The following PRR16 variants were observed in gnomAD, a reference collection of about 807,000 sequenced individuals.
PRR16 encodes the protein proline rich 16.
In PRR16, 6 loss-of-function variants were observed where a neutral mutation model predicts 18.2. That is an observed-to-expected ratio of 0.33 (90% CI 0.18 to 0.65). The LOEUF is 0.65. Ranked by LOEUF, PRR16 falls within the 30% of genes least tolerant of loss-of-function variation. The pLI is 0.74. For missense variants in PRR16, 412 were observed against 376.6 expected (o/e 1.09, Z -0.78); for synonymous variants, 151 against 147.8 (o/e 1.02, Z -0.16).
intron 1 of PRR16, among the ~76,000 whole-genome samples, chr5:120,594,585 C>G (rs887255760): frequency 3.3e-5 from 5 of 151,930 alleles, no homozygotes; most frequent in African/African-American, 1.2e-4. Flanking sequence ...AAGAAATTCT[C>G]CACAGTACTA....
chr5:120,663,094 G>A (rs1041525326), intron 1 of PRR16, among the ~76,000 whole-genome samples: 4 of 152,148 alleles, frequency 2.6e-5, no homozygotes, highest in African/African-American at 9.6e-5. Context: ...CCTATACACT[G>A]TCCATCTTTG....
chr5:120,499,588 A>T (rs887192007), intron 1 of PRR16, among the ~76,000 whole-genome samples: 14 of 152,050 alleles, frequency 9.2e-5, no homozygotes, highest in Admixed American at 9.2e-4. Flanking sequence ...TTCCACCACT[A>T]TAACTTACAT....
At chr5:120,571,049 G>T (rs1752889937) in intron 1 of PRR16, among the ~76,000 whole-genome samples, 1 of 152,120 alleles carries the variant, frequency 6.6e-6, no homozygotes, top group South Asian at 2.1e-4. Flanking sequence ...GGTCATTGGA[G>T]TCTTCTCTTA....
chr5:120,781,250 C>G, the PRR16 span: 7 of 151,756 alleles, frequency 4.6e-5, no homozygotes, highest in Non-Finnish European at 8.8e-5. Flanking sequence ...ACAAGACTAA[C>G]AAGACTAACG....
chr5:120,636,970 A>G (rs994355431), intron 1 of PRR16, among the ~76,000 whole-genome samples: 1 of 152,138 alleles, frequency 6.6e-6, no homozygotes, highest in Non-Finnish European at 1.5e-5. Context: ...AAAGTGGGCT[A>G]AGGACATGTA....
chr5:120,770,789 C>A, the PRR16 span, among the ~76,000 whole-genome samples: 1 of 152,008 alleles, frequency 6.6e-6, no homozygotes, highest in African/African-American at 2.4e-5. Context: ...GCTCTCCCTA[C>A]TTGCCTCTGC....
At chr5:120,630,038 T>TGATTTTCTTCTATCTGAG (rs1167701082) in intron 1 of PRR16, among the ~76,000 whole-genome samples, 13 of 152,112 alleles carry the variant, frequency 8.5e-5, no homozygotes, top group African/African-American at 2.7e-4. Flanking sequence ...CCGTGTCTGA[T>TGATTTTCTTCTATCTGAG]GATTTTCTTC....
At chr5:120,710,032 T>TTTTTAG in the PRR16 span, among the ~76,000 whole-genome samples, 1 of 152,166 alleles carries the variant, frequency 6.6e-6, no homozygotes, top group African/African-American at 2.4e-5. Flanking sequence ...CTATTTTTAG[T>TTTTTAG]TTTTTGAGGC....
the PRR16 span, among the ~76,000 whole-genome samples, chr5:120,754,879 A>G: frequency 1.3e-5 from 2 of 151,420 alleles, no homozygotes; most frequent in Admixed American, 6.6e-5. Flanking sequence ...ACCATGAGGT[A>G]TAAGGAGAGT....
intron 1 of PRR16, among the ~76,000 whole-genome samples, chr5:120,558,155 ACT>A (rs1190415270): frequency 6.6e-6 from 1 of 151,630 alleles, no homozygotes. Context: ...ATCCAATTAT[ACT>A]CTTTTAGTTC....
At chr5:120,595,210 A>G (rs185407935) in intron 1 of PRR16, among the ~76,000 whole-genome samples, 72 of 152,122 alleles carry the variant, frequency 4.7e-4, no homozygotes, top group African/African-American at 1.7e-3. Context: ...TCTAATATCC[A>G]AAATCTATAA....
intron 1 of PRR16, among the ~76,000 whole-genome samples, chr5:120,539,320 A>C (rs1751832072): frequency 6.6e-6 from 1 of 151,396 alleles, no homozygotes; most frequent in Non-Finnish European, 1.5e-5. Context: ...GAAGATTAAA[A>C]ATATTTTAAA....
At chr5:120,685,007 A>G (rs1252847479) in intron 1 of PRR16, among the ~76,000 whole-genome samples, 1 of 152,040 alleles carries the variant, frequency 6.6e-6, no homozygotes, top group African/African-American at 2.4e-5. Flanking sequence ...TCTGCTTTGT[A>G]TTAGTTTAGG....
chr5:120,554,652 G>T (rs1398565036), intron 1 of PRR16, among the ~76,000 whole-genome samples: 1 of 151,946 alleles, frequency 6.6e-6, no homozygotes, highest in Middle Eastern at 3.4e-3. Flanking sequence ...CAGATCTTAC[G>T]TTAGTTATTT....
the PRR16 span, among the ~76,000 whole-genome samples, chr5:120,713,701 T>G: frequency 6.6e-6 from 1 of 152,188 alleles, no homozygotes; most frequent in Non-Finnish European, 1.5e-5. Context: ...TCAGTAGTTT[T>G]TCCTCCTTTT....
chr5:120,741,285 G>C, the PRR16 span, among the ~76,000 whole-genome samples: 2 of 151,776 alleles, frequency 1.3e-5, no homozygotes, highest in Admixed American at 1.3e-4. Flanking sequence ...TCACTGTGTT[G>C]CCCAGGCTAG....
the PRR16 span, among the ~76,000 whole-genome samples, chr5:120,758,276 G>C: frequency 6.7e-6 from 1 of 149,756 alleles, no homozygotes; most frequent in African/African-American, 2.4e-5. Flanking sequence ...TTCATAATAA[G>C]TGAAAGTAAT....
chr5:120,794,090 T>C, the PRR16 span, among the ~76,000 whole-genome samples: 1 of 152,084 alleles, frequency 6.6e-6, no homozygotes, highest in Non-Finnish European at 1.5e-5. Flanking sequence ...AAGATGACAT[T>C]TTCCTCCCAC....
intron 1 of PRR16, among the ~76,000 whole-genome samples, chr5:120,468,531 C>G (rs985578091): frequency 2.0e-5 from 3 of 152,148 alleles, no homozygotes; most frequent in East Asian, 3.9e-4. Context: ...TTAACCATAA[C>G]TGGTAGAGTA....
Sources: allele counts gnomAD v4.1 joint callset (sites outside exome capture counted in the v4.1 genomes callset), GRCh38; gene constraint gnomAD v4.1.1; transcripts MANE v1.5; gene names NCBI Gene and HGNC (gene_info 2026-07-23, HGNC 2026-07-21).